FLRT1: variants seen among roughly 807,000 people sequenced by gnomAD.
The protein encoded by FLRT1 is fibronectin leucine rich transmembrane protein 1.
Under a neutral mutation model 30.9 loss-of-function variants are expected in FLRT1, and 14 were observed. The ratio of observed to expected loss-of-function variants is 0.45; its 90% confidence interval spans 0.30 to 0.71. FLRT1 has a LOEUF of 0.71. Ranked by LOEUF, FLRT1 falls within the 30% of genes least tolerant of loss-of-function variation. The pLI is 0.08. For synonymous variants in FLRT1, 368 were observed against 430.4 expected (o/e 0.85, Z 1.80); for missense variants, 737 against 949.2 (o/e 0.78, Z 2.94).
intron 1 of FLRT1, among the ~76,000 whole-genome samples, chr11:64,092,800 C>T (rs1944512167): frequency 6.6e-6 from 1 of 152,232 alleles, no homozygotes; most frequent in South Asian, 2.1e-4. Flanking sequence ...CAGCATCTCC[C>T]CAAGCATGGT....
Position 64,054,421 on chromosome 11 carries a change from C to T in FLRT1, c.-1038+18262C>T, listed in dbSNP as rs559645852. Among the ~76,000 whole-genome samples, 4 of 152,254 alleles carry T rather than the reference C, an allele frequency of 2.6e-5. 1 individual carries two copies. The highest frequency in any genetic ancestry group is 1.9e-4 in the East Asian group (1 of 5,176). ...AGGCTTTGAGCTCTTCTGCAAACAC[C>T]GCACTATAAATCCAGGGTGTTTCCA... On this transcript the variant is annotated intron_variant, in intron 1 of 2. Transcript: ENST00000682287.
At chr11:64,084,159 C>T (rs551376986) in intron 1 of FLRT1, among the ~76,000 whole-genome samples, 4 of 152,154 alleles carry the variant, frequency 2.6e-5, no homozygotes, top group African/African-American at 7.2e-5. Context: ...ATGGCACGCG[C>T]GCCTTCTGCA....
intron 1 of FLRT1, among the ~76,000 whole-genome samples, chr11:64,074,517 G>A (rs1191368582): frequency 1.3e-5 from 2 of 152,226 alleles, no homozygotes; most frequent in African/African-American, 4.8e-5. Flanking sequence ...TTCAGTTTCT[G>A]GCCTAAGGTC....
At chr11:64,058,471 G>A (rs916581419) in intron 1 of FLRT1, among the ~76,000 whole-genome samples, 8 of 152,258 alleles carry the variant, frequency 5.3e-5, no homozygotes, top group South Asian at 4.1e-4. Flanking sequence ...CTGGGTGGGC[G>A]AAGAGCAGGT....
intron 1 of FLRT1, among the ~76,000 whole-genome samples, chr11:64,099,758 A>G (rs1161027930): frequency 1.3e-5 from 2 of 151,138 alleles, no homozygotes; most frequent in Non-Finnish European, 2.9e-5. Flanking sequence ...ATGGGTTGAC[A>G]GATGGAGAGA....
chr11:64,113,201 T>C (rs1479465509), intron 2 of FLRT1, among the ~76,000 whole-genome samples: 2 of 152,232 alleles, frequency 1.3e-5, no homozygotes, highest in African/African-American at 4.8e-5. Flanking sequence ...ACTGACCTCA[T>C]GTTTGTTGGG....
At chr11:64,078,890 G>C (rs1390890170) in intron 1 of FLRT1, among the ~76,000 whole-genome samples, 1 of 152,236 alleles carries the variant, frequency 6.6e-6, no homozygotes, top group East Asian at 1.9e-4. Flanking sequence ...CGAGAACTCA[G>C]AGTGGGAGTT....
chr11:64,050,444 A>T (rs980438632), intron 1 of FLRT1, among the ~76,000 whole-genome samples: 6 of 152,188 alleles, frequency 3.9e-5, no homozygotes, highest in Admixed American at 3.3e-4. Context: ...GGGGACCCAG[A>T]TGCCCGGGCA....
intron 1 of FLRT1, among the ~76,000 whole-genome samples, chr11:64,039,426 G>C (rs1469541762): frequency 6.6e-6 from 1 of 152,118 alleles, no homozygotes; most frequent in Non-Finnish European, 1.5e-5. Flanking sequence ...GTAGCGGGGG[G>C]TCCCTCCTCA....
intron 1 of FLRT1, among the ~76,000 whole-genome samples, chr11:64,063,510 A>G (rs1195532527): frequency 6.6e-6 from 1 of 152,152 alleles, no homozygotes; most frequent in Non-Finnish European, 1.5e-5. Context: ...GCATCCTGGC[A>G]AAGTCCCAGG....
At chr11:64,100,922 G>A (rs1191045372) in intron 1 of FLRT1, among the ~76,000 whole-genome samples, 1 of 152,182 alleles carries the variant, frequency 6.6e-6, no homozygotes, top group East Asian at 1.9e-4. Context: ...GGCACCAAGA[G>A]CCTCACTTAG....
rs146425984 is a variant in FLRT1, at chr11:64,091,150, T to C, written c.-1037-12044T>C. On this transcript the variant is annotated intron_variant, in intron 1 of 2. Coordinates refer to ENST00000682287, the MANE Select transcript of FLRT1 (RefSeq NM_013280.5). ...GTGGGGAGGGGGCATGGGAGGAGGATAGAAGAGGGATGGGGAGGGGGCCTA... is the reference window on the plus strand; with the variant it reads ...GTGGGGAGGGGGCATGGGAGGAGGACAGAAGAGGGATGGGGAGGGGGCCTA... 4.7e-4 allele frequency among the ~76,000 whole-genome samples: 48 copies of C among 101,246 alleles called. No homozygotes were observed. The East Asian group carries it at 0.016, about 33-fold the overall frequency. The allele number at this position is 101,246 out of a possible 152,430, so 66.4% of individuals were successfully genotyped here.
intron 1 of FLRT1, among the ~76,000 whole-genome samples, chr11:64,095,456 G>A (rs1314463550): frequency 6.6e-6 from 1 of 152,162 alleles, no homozygotes; most frequent in Non-Finnish European, 1.5e-5. Context: ...TCCAACACAG[G>A]CAAAAAATCC....
At chr11:64,070,853 G>A (rs931315455) in intron 1 of FLRT1, among the ~76,000 whole-genome samples, 1 of 152,184 alleles carries the variant, frequency 6.6e-6, no homozygotes, top group East Asian at 1.9e-4. Context: ...AGAGGGGAGA[G>A]GAGGAAGGAG....
intron 1 of FLRT1, among the ~76,000 whole-genome samples, chr11:64,068,491 C>T (rs550464922): frequency 1.1e-4 from 16 of 152,372 alleles, no homozygotes; most frequent in African/African-American, 3.4e-4. Flanking sequence ...GAGCCCTCCA[C>T]AAACATGAGG....
At chr11:64,099,164 TGA>T (rs1164939301) in intron 1 of FLRT1, among the ~76,000 whole-genome samples, 2 of 152,166 alleles carry the variant, frequency 1.3e-5, no homozygotes, top group East Asian at 3.9e-4. Flanking sequence ...TGTCATAACA[TGA>T]GAGTACCCCA....
rs751831209 is a variant in FLRT1 at position 64,116,685 on chromosome 11, C to T, written c.418C>T (p.Arg140Cys). ...RELHLQDNNV[R>C]TIARDSLARI... ...GCTGCACCTGCAGGACAACAATGTGCGCACCATTGCCAGGGACTCGCTGGC... is the reference window on the plus strand; with the variant it reads ...GCTGCACCTGCAGGACAACAATGTGTGCACCATTGCCAGGGACTCGCTGGC... Residue 140 changes from arginine (R) to cysteine (C), a missense_variant, in exon 3 of 3, where the codon CGC becomes TGC. Transcript: ENST00000682287. 23 of 1,613,774 alleles carry T rather than the reference C, an allele frequency of 1.4e-5. No individual in the cohort carries two copies. The highest frequency in any genetic ancestry group is 1.2e-4 in the South Asian group (11 of 91,090).
Position 64,118,572 on chromosome 11 carries a change from A to C in FLRT1, c.*280A>C. 2.0e-5 allele frequency: 7 copies of C among 356,026 alleles called. No homozygotes were observed. Among genetic ancestry groups the C allele is most frequent in the Non-Finnish European group, 3.7e-5 (7 of 188,170 alleles). The allele number at this position is 356,026 out of a possible 1,614,324, so 22.1% of individuals were successfully genotyped here. ...TGGGGAGGGAAGGACTAAAAATAAT[A>C]TTGCAGGCAGGGCTGGGTTGGGTTT... On this transcript the variant is annotated 3_prime_UTR_variant, in exon 3 of 3. Transcript: ENST00000682287.
At chr11:64,063,706 C>A (rs191032279) in intron 1 of FLRT1, among the ~76,000 whole-genome samples, 9 of 152,166 alleles carry the variant, frequency 5.9e-5, no homozygotes, top group Non-Finnish European at 1.0e-4. Flanking sequence ...CACACCTCAG[C>A]GGGTGCTGAA....
Sources: gnomAD v4.1 joint callset for allele counts (sites outside exome capture counted in the v4.1 genomes callset) on GRCh38, gnomAD v4.1.1 for gene constraint, MANE v1.5 for transcripts, NCBI Gene and HGNC (gene_info 2026-07-23, HGNC 2026-07-21) for gene names.